Variants in XYLT1 observed in about 807,000 individuals in gnomAD.
XYLT1 encodes the protein xylosyltransferase 1.
In XYLT1, 36 loss-of-function variants were observed where a neutral mutation model predicts 91.3. The ratio of observed to expected loss-of-function variants is 0.39; its 90% confidence interval spans 0.30 to 0.52. The LOEUF (loss-of-function observed/expected upper bound fraction) is 0.52. Among genes scored for constraint, XYLT1 ranks in the 20% least tolerant of loss-of-function variants. The pLI, the probability that XYLT1 is intolerant of heterozygous loss-of-function variation, is 0.68. For synonymous variants in XYLT1, 588 were observed against 532.0 expected (o/e 1.11, Z -1.45); for missense variants, 1,242 against 1,284.5 (o/e 0.97, Z 0.51).
intron 2 of XYLT1, among the ~76,000 whole-genome samples, chr16:17,315,165 G>T (rs1363651535): frequency 6.6e-6 from 1 of 152,246 alleles, no homozygotes; most frequent in African/African-American, 2.4e-5. Context: ...GTCCTTAGGA[G>T]AAAATCCATT....
In XYLT1 at chr16:17,305,051, G is replaced by A. The variant is rs1259307849; in HGVS notation, c.403-45553C>T. ...TGCCGCAGGGTGCCCACTGTGGGCC[G>A]GGGGTCATGTTTAATTTCACTAACT... On this transcript the variant is annotated intron_variant, in intron 2 of 11. Coordinates refer to ENST00000261381, the MANE Select transcript of XYLT1 (RefSeq NM_022166.4). Among the ~76,000 whole-genome samples the A allele has an allele frequency of 3.3e-5, 5 of 152,224 alleles. No individual in the cohort carries two copies. In the East Asian group the frequency reaches 5.8e-4, roughly 18 times the overall value.
intron 3 of XYLT1, 70 bp from the exon 4 acceptor site, chr16:17,200,724 T>G (rs2032526005): frequency 6.4e-7 from 1 of 1,550,570 alleles, no homozygotes; most frequent in African/African-American, 1.4e-5. Context: ...GTGGGAAGTT[T>G]CTCTGGTGCT....
chr16:17,438,768 C>T (rs758901198), intron 1 of XYLT1, among the ~76,000 whole-genome samples: 8 of 151,932 alleles, frequency 5.3e-5, no homozygotes, highest in Admixed American at 1.3e-4. Flanking sequence ...CTACACACTT[C>T]GAAACCATCA....
chr16:17,435,152 T>G (rs1243318219), intron 1 of XYLT1, among the ~76,000 whole-genome samples: 1 of 152,216 alleles, frequency 6.6e-6, no homozygotes, highest in Non-Finnish European at 1.5e-5. Context: ...ACGCACCATA[T>G]GCAAGAGTCA....
rs2034570412 is a variant in XYLT1, at chr16:17,312,840, AAGTTCTGGTAACT to A, written c.402+45159_402+45171del. On this transcript the variant is annotated intron_variant, in intron 2 of 11. Coordinates refer to ENST00000261381, the MANE Select transcript of XYLT1 (RefSeq NM_022166.4). This position sits in a 1 kb window ranked among gnomAD's most constrained non-coding sequence, Gnocchi z 4.4. ...TACTATGCAGTGTTACTTCTCCGGC[AAGTTCTGGTAACT>A]AGTGCAAACTCGCTCATGGATCAGA... is the stretch of plus-strand genomic sequence containing the variant. 6.6e-6 allele frequency among the ~76,000 whole-genome samples: 1 copy of A among 152,230 alleles called. No individual in the cohort carries two copies.
At chr16:17,467,315 GCT>G (rs1403343222) in intron 1 of XYLT1, among the ~76,000 whole-genome samples, 3 of 152,194 alleles carry the variant, frequency 2.0e-5, no homozygotes, top group Non-Finnish European at 4.4e-5. Context: ...AACACACGCA[GCT>G]CTCTTTCATT....
chr16:17,207,428 G>GGA, intron 3 of XYLT1, among the ~76,000 whole-genome samples: 1 of 152,272 alleles, frequency 6.6e-6, no homozygotes, highest in African/African-American at 2.4e-5. Flanking sequence ...ATCTCTTGTA[G>GGA]GATGCCAGCC....
chr16:17,444,726 T>C (rs994289870), intron 1 of XYLT1, among the ~76,000 whole-genome samples: 1 of 152,116 alleles, frequency 6.6e-6, no homozygotes, highest in African/African-American at 2.4e-5. Context: ...TAAATACTAT[T>C]GGAAGGAATG....
At chr16:17,246,915 C>A (rs1363381829) in intron 3 of XYLT1, among the ~76,000 whole-genome samples, 1 of 152,122 alleles carries the variant, frequency 6.6e-6, no homozygotes, top group Non-Finnish European at 1.5e-5. Context: ...CAGCAGGGAA[C>A]AGGCAAGGTG....
intron 5 of XYLT1, among the ~76,000 whole-genome samples, chr16:17,196,536 C>T (rs2032429566): frequency 1.3e-5 from 2 of 152,256 alleles, no homozygotes; most frequent in South Asian, 4.1e-4. Context: ...GGGTGACATC[C>T]ACGTGGGAGT....
Position 17,134,582 on chromosome 16 carries a change from C to G in XYLT1, c.1918G>C (p.Gly640Arg), listed in dbSNP as rs146288199. Residue 640 changes from glycine (G) to arginine (R), a missense_variant, in exon 9 of 12, where the codon GGC becomes CGC. Physicochemically the swap from Gly to Arg is moderately radical, Grantham distance 125. Transcript: ENST00000261381. ...YWENVYDEPD[G>R]IHSLSDVTLT... The stretch of plus-strand genomic sequence containing the variant: ...GTCACGTCGCTCAGGCTGTGGATGC[C>G]GTCAGGCTCATCGTAGACATTCTCC... The G allele has an allele frequency of 6.2e-7, 1 of 1,614,144 alleles. No homozygotes were observed. Among genetic ancestry groups the G allele is most frequent in the East Asian group, 2.2e-5 (1 of 44,882 alleles).
At chr16:17,170,604 T>C (rs1453655125) in intron 5 of XYLT1, among the ~76,000 whole-genome samples, 3 of 152,170 alleles carry the variant, frequency 2.0e-5, no homozygotes, top group Admixed American at 6.5e-5. Flanking sequence ...TCAATGTCAG[T>C]TCCACTGGGA....
chr16:17,127,552 G>A, intron 10 of XYLT1, 114 bp downstream of exon 10: 2 of 1,262,988 alleles, frequency 1.6e-6, no homozygotes, highest in Admixed American at 4.5e-5. Flanking sequence ...TATCTTTAGG[G>A]ATCTCCAAGT....
At chr16:17,332,567 TACACACACAC>T (rs60919228) in intron 2 of XYLT1, among the ~76,000 whole-genome samples, 2,601 of 137,950 alleles carry the variant, frequency 0.019, 68 homozygotes, top group African/African-American at 0.063. Flanking sequence ...ATCACACACA[TACACACACAC>T]ACACACACAC....
Position 17,297,557 on chromosome 16 carries a change from G to GA in XYLT1, c.403-38060dup, listed in dbSNP as rs35985751. Among the ~76,000 whole-genome samples, 1,191 of 142,822 alleles carry GA rather than the reference G, an allele frequency of 8.3e-3. 4 individuals are homozygous for GA. The highest frequency in any genetic ancestry group is 0.014 in the Non-Finnish European group (879 of 63,492). The allele number at this position is 142,822 out of a possible 152,430, so 93.7% of individuals were successfully genotyped here. A position where few individuals can be genotyped will look rare whatever the true frequency, so the allele number is the denominator to read the frequency against. On this transcript the variant is annotated intron_variant, in intron 2 of 11. Transcript: ENST00000261381. ...TGAGGACCCCATCTCTAAAGAAAAT[G>GA]AAAAAAAAAAAAAAACTTAGCTTGG...
intron 11 of XYLT1, among the ~76,000 whole-genome samples, chr16:17,115,824 A>AAAAAAAAAC: frequency 6.9e-6 from 1 of 143,978 alleles, no homozygotes; most frequent in Non-Finnish European, 1.5e-5. Flanking sequence ...AAAAAAAAAA[A>AAAAAAAAAC]AGACTTTTCC....
Position 17,470,454 on chromosome 16 carries a change from C to T in XYLT1, c.343G>A (p.Ala115Thr), listed in dbSNP as rs61758388. The change falls in exon 1 of 12, where the codon GCA (alanine) becomes ACA (threonine). Residue 115 changes from alanine (A) to threonine (T), a missense_variant. Around this residue, in one of 3 missense-constraint regions of XYLT1, gnomAD observed 437 missense variants for 411.5 expected, o/e 1.06. Transcript: ENST00000261381. ...CTTACCAGAGCCCGGGCGGGCAGTGCCCCCCGGCTGGCCGGCTGCTGTCCC... is the reference window on the plus strand; with the variant it reads ...CTTACCAGAGCCCGGGCGGGCAGTGTCCCCCGGCTGGCCGGCTGCTGTCCC... ...PRGQQPASRG[A>T]LPARALDPHP... 1 of 1,230,656 alleles carries T rather than the reference C, an allele frequency of 8.1e-7. No individual in the cohort carries two copies. The highest frequency in any genetic ancestry group is 1.0e-6 in the Non-Finnish European group (1 of 986,984). The allele number at this position is 1,230,656 out of a possible 1,614,324, so 76.2% of individuals were successfully genotyped here.
intron 3 of XYLT1, among the ~76,000 whole-genome samples, chr16:17,201,722 T>C (rs549548666): frequency 3.3e-5 from 5 of 152,222 alleles, no homozygotes; most frequent in South Asian, 4.1e-4. Flanking sequence ...GTGATCTGCC[T>C]ACCTTGGCCT....
chr16:17,113,613 G>A (rs1311105797), intron 11 of XYLT1, among the ~76,000 whole-genome samples: 1 of 151,956 alleles, frequency 6.6e-6, no homozygotes, highest in Non-Finnish European at 1.5e-5. Flanking sequence ...ATCAGATTGT[G>A]GGTGATAGGA....
Sources: allele counts gnomAD v4.1 joint callset (sites outside exome capture counted in the v4.1 genomes callset), GRCh38; gene constraint gnomAD v4.1.1; regional missense constraint gnomAD v4.1.1; non-coding constraint Gnocchi (gnomAD v3.1); transcripts MANE v1.5; gene names NCBI Gene and HGNC (gene_info 2026-07-23, HGNC 2026-07-21).